Variants in ADAMTS6 observed in about 807,000 individuals in gnomAD.
ADAMTS6 encodes A disintegrin and metalloproteinase with thrombospondin motifs 6.
Under a neutral mutation model 144.3 loss-of-function variants are expected in ADAMTS6, and 23 were observed. The ratio of observed to expected loss-of-function variants is 0.16; its 90% CI spans 0.11 to 0.23. ADAMTS6 has a LOEUF of 0.23. Among genes scored for constraint, ADAMTS6 ranks in the 10% least tolerant of loss-of-function variants. The pLI, the probability that ADAMTS6 is intolerant of heterozygous loss-of-function variation, is 1.00. For synonymous variants in ADAMTS6, 444 were observed against 457.5 expected (o/e 0.97, Z 0.38); for missense variants, 999 against 1,379.6 (o/e 0.72, Z 4.37).
chr5:65,360,238 GAA>G (rs1330715092), intron 7 of ADAMTS6, among the ~76,000 whole-genome samples: 1 of 152,134 alleles, frequency 6.6e-6, no homozygotes, highest in Non-Finnish European at 1.5e-5. Flanking sequence ...GGAAGAGAGA[GAA>G]GTAGAAGGTG....
At chr5:65,191,866 C>G (rs1415363653) in intron 21 of ADAMTS6, among the ~76,000 whole-genome samples, 1 of 151,972 alleles carries the variant, frequency 6.6e-6, no homozygotes, top group Non-Finnish European at 1.5e-5. Context: ...ATGAAGCAAG[C>G]AAAATTAGAT....
chr5:65,446,953 T>C lies in ADAMTS6; in HGVS notation c.1073+4522A>G, dbSNP rs114156173. 8.5e-3 allele frequency among the ~76,000 whole-genome samples: 1,288 copies of C among 152,274 alleles called. 17 individuals carry two copies. The highest frequency in any genetic ancestry group is 0.029 in the African/African-American group (1,224 of 41,566). On this transcript the variant is annotated intron_variant, in intron 7 of 24. Coordinates refer to ENST00000381055, the MANE Select transcript of ADAMTS6 (RefSeq NM_197941.4). ...GTATACTTTAAATGGGTAAATTGTA[T>C]GGTTTGTGAATTATATCTCAATAAA... is the stretch of plus-strand genomic sequence containing the variant.
intron 7 of ADAMTS6, among the ~76,000 whole-genome samples, chr5:65,450,470 CG>C (rs1758648857): frequency 6.6e-6 from 1 of 152,110 alleles, no homozygotes; most frequent in Non-Finnish European, 1.5e-5. Flanking sequence ...ACAGATGAAA[CG>C]TATGTTAAAT....
intron 15 of ADAMTS6, among the ~76,000 whole-genome samples, chr5:65,228,045 CAAGT>C (rs930450690): frequency 6.6e-6 from 1 of 152,032 alleles, no homozygotes; most frequent in African/African-American, 2.4e-5. Context: ...ATAGAAATAA[CAAGT>C]AATAAATAAA....
intron 7 of ADAMTS6, among the ~76,000 whole-genome samples, chr5:65,360,748 T>C (rs918000393): frequency 4.6e-5 from 7 of 152,350 alleles, no homozygotes; most frequent in African/African-American, 1.7e-4. Context: ...CAATGTGATC[T>C]GATTCTTTAA....
At chr5:65,372,225 C>A (rs895310149) in intron 7 of ADAMTS6, among the ~76,000 whole-genome samples, 37 of 145,040 alleles carry the variant, frequency 2.6e-4, no homozygotes, top group Non-Finnish European at 4.6e-4. Context: ...CAGCTAACAT[C>A]ATAATGACAA....
chr5:65,435,264 G>A (rs952921807), intron 7 of ADAMTS6, among the ~76,000 whole-genome samples: 5 of 152,112 alleles, frequency 3.3e-5, no homozygotes, highest in Admixed American at 3.3e-4. Flanking sequence ...ACGTGGATAG[G>A]GAGGATACAT....
At chr5:65,351,185 A>T (rs140704337) in intron 7 of ADAMTS6, among the ~76,000 whole-genome samples, 58 of 152,318 alleles carry the variant, frequency 3.8e-4, no homozygotes, top group African/African-American at 1.3e-3. Context: ...AAATCTAACC[A>T]TCACATATCT....
chr5:65,408,207 T>C (rs931983661), intron 7 of ADAMTS6, among the ~76,000 whole-genome samples: 1 of 152,032 alleles, frequency 6.6e-6, no homozygotes, highest in African/African-American at 2.4e-5. Flanking sequence ...GACTGGCAAA[T>C]TGGATAAAGA....
intron 7 of ADAMTS6, among the ~76,000 whole-genome samples, chr5:65,442,353 T>TC (rs1352845683): frequency 1.3e-5 from 2 of 152,106 alleles, no homozygotes; most frequent in Non-Finnish European, 2.9e-5. Flanking sequence ...GCTCACTGAA[T>TC]AAGATAACCT....
At chr5:65,423,701 C>A (rs1170642068) in intron 7 of ADAMTS6, among the ~76,000 whole-genome samples, 1 of 151,810 alleles carries the variant, frequency 6.6e-6, no homozygotes, top group East Asian at 1.9e-4. Flanking sequence ...AAAGAATAAA[C>A]AAAAGTATGA....
chr5:65,360,294 G>C (rs903941720), intron 7 of ADAMTS6, among the ~76,000 whole-genome samples: 1 of 152,086 alleles, frequency 6.6e-6, no homozygotes, highest in Non-Finnish European at 1.5e-5. Context: ...ACTCTATCAA[G>C]AGAACGGCAC....
At chr5:65,442,879 T>C (rs557232103) in intron 7 of ADAMTS6, among the ~76,000 whole-genome samples, 2 of 152,270 alleles carry the variant, frequency 1.3e-5, no homozygotes, top group Admixed American at 1.3e-4. Context: ...CCTCCCTGTG[T>C]CCATGTGTTC....
chr5:65,383,041 T>C (rs1207885230), intron 7 of ADAMTS6, among the ~76,000 whole-genome samples: 1 of 152,152 alleles, frequency 6.6e-6, no homozygotes, highest in Non-Finnish European at 1.5e-5. Context: ...AGGGCACTAA[T>C]TGCATTCATG....
chr5:65,336,079 G>GC (rs1214774345), intron 7 of ADAMTS6, among the ~76,000 whole-genome samples: 2 of 152,048 alleles, frequency 1.3e-5, no homozygotes, highest in African/African-American at 4.8e-5. Context: ...AACCAGATTT[G>GC]TTTTTCTTAT....
intron 14 of ADAMTS6, among the ~76,000 whole-genome samples, chr5:65,257,841 G>C (rs576153016): frequency 4.9e-4 from 74 of 152,224 alleles, no homozygotes; most frequent in Non-Finnish European, 8.2e-4. Flanking sequence ...ATCCCATACT[G>C]AATCCCATCA....
intron 7 of ADAMTS6, among the ~76,000 whole-genome samples, chr5:65,446,089 A>G (rs1467214629): frequency 6.6e-6 from 1 of 152,254 alleles, no homozygotes; most frequent in East Asian, 1.9e-4. Context: ...AGCTAGTGAA[A>G]TAAAATATTT....
At chr5:65,404,830 C>T (rs1269644049) in intron 7 of ADAMTS6, among the ~76,000 whole-genome samples, 21 of 152,184 alleles carry the variant, frequency 1.4e-4, no homozygotes, top group South Asian at 4.1e-4. Flanking sequence ...TTTTAATGAT[C>T]GCCATTCTAA....
At chr5:65,472,534 C>G (rs775963125) in intron 2 of ADAMTS6, among the ~76,000 whole-genome samples, 10 of 152,126 alleles carry the variant, frequency 6.6e-5, no homozygotes, top group Non-Finnish European at 1.2e-4. Flanking sequence ...AACAGCTTGA[C>G]TAAAATTTCA....
Sources: allele counts gnomAD v4.1 joint callset (sites outside exome capture counted in the v4.1 genomes callset), GRCh38; gene constraint gnomAD v4.1.1; transcripts MANE v1.5; gene names NCBI Gene and HGNC (gene_info 2026-07-23, HGNC 2026-07-21).